TANC1: variants seen among roughly 807,000 people sequenced by gnomAD.
TANC1 encodes the protein tetratricopeptide repeat, ankyrin repeat and coiled-coil containing 1.
Under a neutral mutation model 149.7 loss-of-function variants are expected in TANC1, and 77 were observed. The ratio of observed to expected loss-of-function variants is 0.51; its 90% CI spans 0.43 to 0.62. The LOEUF is 0.62. Ranked by LOEUF, TANC1 falls within the 20% of genes least tolerant of loss-of-function variation. The probability of loss-of-function intolerance (pLI) is 0.00; values close to 1 mark genes in which losing one functional copy is unlikely to be tolerated. For missense variants in TANC1, 1,985 were observed against 2,321.8 expected (o/e 0.85, Z 2.98); for synonymous variants, 854 against 925.0 (o/e 0.92, Z 1.39).
At chr2:159,028,833 T>C (rs2039556903) in intron 2 of TANC1, among the ~76,000 whole-genome samples, 1 of 152,196 alleles carries the variant, frequency 6.6e-6, no homozygotes, top group African/African-American at 2.4e-5. Context: ...GTGGCTTGAG[T>C]GTAGCTCACT....
intron 2 of TANC1, among the ~76,000 whole-genome samples, chr2:159,034,229 GC>G (rs1234358913): frequency 6.6e-6 from 1 of 152,096 alleles, no homozygotes; most frequent in Non-Finnish European, 1.5e-5. Flanking sequence ...TCTCCCTTGG[GC>G]CACACCTTGC....
chr2:158,977,885 A>G (rs1559092147), intron 1 of TANC1, among the ~76,000 whole-genome samples: 1 of 151,922 alleles, frequency 6.6e-6, no homozygotes, highest in Non-Finnish European at 1.5e-5. Flanking sequence ...ACTTTGTTTC[A>G]ATTTTGCCTC....
intron 7 of TANC1, among the ~76,000 whole-genome samples, chr2:159,159,290 T>C (rs1052526259): frequency 2.0e-5 from 3 of 151,642 alleles, no homozygotes; most frequent in Admixed American, 1.3e-4. Flanking sequence ...TACAAAAATA[T>C]AAAAAATTAG....
At chr2:159,229,427 G>C in intron 26 of TANC1, 151 bp from the exon 27 acceptor site, 1 of 652,692 alleles carries the variant, frequency 1.5e-6, no homozygotes, top group East Asian at 2.7e-5. Flanking sequence ...AGTTACTCTG[G>C]GCTGGTTAAG....
chr2:158,985,953 TTTGA>T (rs1457760550), intron 1 of TANC1, among the ~76,000 whole-genome samples: 1 of 152,230 alleles, frequency 6.6e-6, no homozygotes, highest in African/African-American at 2.4e-5. Flanking sequence ...CTGGGCCCCC[TTTGA>T]TTGGTTGTCG....
chr2:158,995,268 A>C (rs1018001174), intron 1 of TANC1, among the ~76,000 whole-genome samples: 4 of 152,148 alleles, frequency 2.6e-5, no homozygotes, highest in Admixed American at 1.3e-4. Flanking sequence ...TGTGTATTGA[A>C]AATTGCTAGA....
intron 19 of TANC1, among the ~76,000 whole-genome samples, chr2:159,215,147 C>A (rs537882750): frequency 6.6e-6 from 1 of 152,304 alleles, no homozygotes; most frequent in African/African-American, 2.4e-5. Flanking sequence ...CATCCTGGAC[C>A]TAACCCTTAC....
intron 7 of TANC1, among the ~76,000 whole-genome samples, chr2:159,153,782 T>A (rs1237320936): frequency 6.6e-6 from 1 of 152,198 alleles, no homozygotes; most frequent in African/African-American, 2.4e-5. Flanking sequence ...CTGTGATTGC[T>A]GGAGTAGGGG....
chr2:159,210,687 T>C (rs780119679), intron 19 of TANC1, among the ~76,000 whole-genome samples: 2 of 151,868 alleles, frequency 1.3e-5, no homozygotes, highest in Non-Finnish European at 2.9e-5. Context: ...CTGCCTCAGC[T>C]TTCCCGAGTA....
At chr2:159,216,426 C>T (rs897050265) in intron 19 of TANC1, among the ~76,000 whole-genome samples, 2 of 152,180 alleles carry the variant, frequency 1.3e-5, no homozygotes. Flanking sequence ...AGCCATCCCT[C>T]GCCACTCAGC....
At chr2:159,185,628 T>C (rs1424264388) in intron 14 of TANC1, among the ~76,000 whole-genome samples, 163 bp from the exon 15 acceptor site, 3 of 152,202 alleles carry the variant, frequency 2.0e-5, no homozygotes, top group Admixed American at 2.0e-4. Flanking sequence ...CTCAGCACTT[T>C]GCTAGGCATT....
At chr2:159,043,936 G>T (rs748990190) in intron 2 of TANC1, among the ~76,000 whole-genome samples, 8 of 152,102 alleles carry the variant, frequency 5.3e-5, no homozygotes, top group Non-Finnish European at 8.8e-5. Flanking sequence ...GCTTTTTGGG[G>T]TCATGTCAGT....
intron 3 of TANC1, among the ~76,000 whole-genome samples, chr2:159,084,255 A>G (rs2044600837): frequency 6.6e-6 from 1 of 152,114 alleles, no homozygotes; most frequent in Admixed American, 6.5e-5. Flanking sequence ...ATCTCAAAAA[A>G]AAAAAAAAAT....
chr2:159,100,208 G>A (rs2046542077), intron 4 of TANC1, among the ~76,000 whole-genome samples: 1 of 152,154 alleles, frequency 6.6e-6, no homozygotes, highest in Non-Finnish European at 1.5e-5. Flanking sequence ...CCTTAGGACT[G>A]GGGAAAACCT....
intron 1 of TANC1, among the ~76,000 whole-genome samples, chr2:158,995,580 A>T (rs892880655): frequency 1.3e-5 from 2 of 152,002 alleles, no homozygotes; most frequent in African/African-American, 2.4e-5. Context: ...ATTGCTTAAG[A>T]TCTCCCCTGG....
At chr2:159,214,368 T>G (rs143791490) in intron 19 of TANC1, among the ~76,000 whole-genome samples, 1 of 152,300 alleles carries the variant, frequency 6.6e-6, no homozygotes, top group Non-Finnish European at 1.5e-5. Context: ...ACATAGCAAC[T>G]GGGACTAGAT....
intron 8 of TANC1, among the ~76,000 whole-genome samples, chr2:159,168,048 A>G (rs1472933866): frequency 6.6e-6 from 1 of 152,154 alleles, no homozygotes; most frequent in Non-Finnish European, 1.5e-5. Flanking sequence ...TTTGCCCTCA[A>G]GTCACTGTAT....
intron 3 of TANC1, among the ~76,000 whole-genome samples, chr2:159,095,895 C>A (rs978178541): frequency 6.6e-6 from 1 of 152,062 alleles, no homozygotes; most frequent in African/African-American, 2.4e-5. Context: ...TGGTTTGTAT[C>A]CCCTTTGAGC....
chr2:159,123,585 T>G (rs62171087), intron 4 of TANC1, among the ~76,000 whole-genome samples: 1 of 152,168 alleles, frequency 6.6e-6, no homozygotes, highest in Non-Finnish European at 1.5e-5. Flanking sequence ...AATGGAATTC[T>G]GTGGTAGCCA....
Sources: gnomAD v4.1 joint callset for allele counts (sites outside exome capture counted in the v4.1 genomes callset) on GRCh38, gnomAD v4.1.1 for gene constraint, MANE v1.5 for transcripts, NCBI Gene and HGNC (gene_info 2026-07-23, HGNC 2026-07-21) for gene names.